The following SEMA5B variants were observed in gnomAD, a reference collection of about 807,000 sequenced individuals.
SEMA5B encodes semaphorin-5B.
SEMA5B carries 66 observed loss-of-function variants against 135.0 expected under a neutral mutation model. That is an observed-to-expected ratio of 0.49 (90% CI 0.40 to 0.60). SEMA5B has a LOEUF of 0.60. Among genes scored for constraint, SEMA5B ranks in the 20% least tolerant of loss-of-function variants. SEMA5B has a pLI of 0.00. For synonymous variants in SEMA5B, 690 were observed against 639.5 expected, an observed-to-expected ratio of 1.08 and a Z score of -1.19; for missense variants, 1,501 against 1,566.3, an observed-to-expected ratio of 0.96 and a Z score of 0.70.
At position 122,961,184 on chromosome 3, in the gene SEMA5B, CTTAGCTGTTGGGCTGGGGTA is replaced by C. The variant is rs1404382081; in HGVS notation, c.60_79del (p.Asp20GlufsTer26). The C allele has an allele frequency of 6.2e-7, 1 of 1,613,836 alleles. No homozygotes were observed. The highest frequency in any genetic ancestry group is 8.5e-7 in the Non-Finnish European group (1 of 1,179,846). On this transcript the variant is annotated frameshift_variant, in exon 2 of 23. Transcript: ENST00000357599. LOFTEE classifies it high-confidence loss of function. ...CCAGCCCCCTACTGTCCATCCACAC[CTTAGCTGTTGGGCTGGGGTA>C]TCAGGCGGCCCAGGGACGAGGTGGT...
intron 4 of SEMA5B, 71 bp from the exon 5 acceptor site, chr3:122,939,541 G>T: frequency 1.6e-6 from 2 of 1,256,566 alleles, no homozygotes; most frequent in Non-Finnish European, 2.3e-6. Context: ...CAGCCTCCTG[G>T]CTTGGGCCTC....
At chr3:122,918,922 C>T (rs191730949) in intron 12 of SEMA5B, among the ~76,000 whole-genome samples, 1 of 149,316 alleles carries the variant, frequency 6.7e-6, no homozygotes, top group East Asian at 1.9e-4. Flanking sequence ...GTGTCTCTGA[C>T]TGTGGAAATG....
intron 2 of SEMA5B, among the ~76,000 whole-genome samples, chr3:122,956,769 C>G (rs950276766): frequency 6.6e-6 from 1 of 152,128 alleles, no homozygotes; most frequent in Admixed American, 6.5e-5. Flanking sequence ...ATCGGGCCGG[C>G]TCTCCTGCAA....
Position 122,912,963 on chromosome 3 carries a change from A to T in SEMA5B, c.2605T>A (p.Cys869Ser). The change falls in exon 18 of 23, where the codon TGC becomes AGC. Residue 869 changes from cysteine (C) to serine (S), a missense_variant. By Grantham distance (112) the Cys-to-Ser change is moderately radical (BLOSUM62 -1). Around this residue, in one of 2 missense-constraint regions of SEMA5B, gnomAD observed 927 missense variants for 881.6 expected, o/e 1.05. Transcript: ENST00000357599. ...WGPWSSCSRDCELGFRVRKRT... is the reference protein window; with the variant it reads ...WGPWSSCSRDSELGFRVRKRT... ...TTGCGGACGCGGAAGCCCAGCTCGCAGTCCCGGGAGCAGGACGACCACGGG... is the reference window on the plus strand; with the variant it reads ...TTGCGGACGCGGAAGCCCAGCTCGCTGTCCCGGGAGCAGGACGACCACGGG... 2 of 1,612,090 alleles carry T rather than the reference A, an allele frequency of 1.2e-6. No homozygotes were observed. The highest frequency in any genetic ancestry group is 1.7e-6 in the Non-Finnish European group (2 of 1,179,258).
At chr3:122,920,693 G>T (rs937248040) in intron 12 of SEMA5B, among the ~76,000 whole-genome samples, 1 of 152,168 alleles carries the variant, frequency 6.6e-6, no homozygotes, top group Non-Finnish European at 1.5e-5. Context: ...AAGATCATAC[G>T]GTTAGTAGAT....
chr3:122,912,441 A>G, intron 18 of SEMA5B, 99 bp from the exon 19 acceptor site: 3 of 1,156,464 alleles, frequency 2.6e-6, no homozygotes, highest in Admixed American at 3.1e-5. Context: ...CCTGAGCCAC[A>G]GTGACCTCAA....
intron 21 of SEMA5B, 68 bp from the exon 22 acceptor site, chr3:122,911,113 C>A: frequency 7.3e-7 from 1 of 1,368,648 alleles, no homozygotes; most frequent in South Asian, 1.3e-5. Flanking sequence ...GCCTGCCTCC[C>A]TGGGAGCAGA....
chr3:122,951,375 A>G (rs988270008), intron 2 of SEMA5B, among the ~76,000 whole-genome samples: 2 of 152,242 alleles, frequency 1.3e-5, no homozygotes, highest in East Asian at 1.9e-4. Context: ...AAGGCTTCTC[A>G]GTAAATACCT....
Position 122,955,106 on chromosome 3 carries a change from ATCT to A in SEMA5B, c.124+6031_124+6033del, listed in dbSNP as rs553739095. On this transcript the variant is annotated intron_variant, in intron 2 of 22. Coordinates refer to ENST00000357599, the MANE Select transcript of SEMA5B (RefSeq NM_001031702.4). ...TGTTGAGCCTACCTGAGTAGTCATC[ATCT>A]TCTTCTTTTTTTTTTTTAGACCGTG... Among the ~76,000 whole-genome samples, 533 of 151,060 alleles carry A rather than the reference ATCT, an allele frequency of 3.5e-3. 4 individuals carry two copies. The highest frequency in any genetic ancestry group is 0.012 in the African/African-American group (502 of 41,154).
intron 2 of SEMA5B, among the ~76,000 whole-genome samples, chr3:122,957,306 C>T (rs1032197677): frequency 6.6e-6 from 1 of 152,144 alleles, no homozygotes; most frequent in African/African-American, 2.4e-5. Flanking sequence ...GGTCTTGCAC[C>T]CAGAATGCAG....
chr3:122,942,050 G>A (rs1000327123), intron 4 of SEMA5B, among the ~76,000 whole-genome samples: 12 of 152,314 alleles, frequency 7.9e-5, no homozygotes, highest in African/African-American at 2.9e-4. Context: ...GGTCCTGCTT[G>A]TTTGAGGGGG....
At chr3:122,911,608 G>GC in intron 20 of SEMA5B, 73 bp from the exon 21 acceptor site, 1 of 1,474,896 alleles carries the variant, frequency 6.8e-7, no homozygotes, top group Non-Finnish European at 9.2e-7. Flanking sequence ...GTAGGCGTAA[G>GC]CCTGGGAGGA....
intron 5 of SEMA5B, among the ~76,000 whole-genome samples, chr3:122,933,028 A>G (rs76378179): frequency 1.5e-3 from 234 of 151,850 alleles, no homozygotes; most frequent in African/African-American, 5.4e-3. Flanking sequence ...GCTCAATATG[A>G]TTTTCTTACT....
rs1423846455 is a variant in SEMA5B, at chr3:122,912,984, A to G, written c.2584T>C (p.Trp862Arg). The G allele has an allele frequency of 5.0e-6, 8 of 1,610,162 alleles. No individual in the cohort carries two copies. Among genetic ancestry groups the G allele is most frequent in the Non-Finnish European group, 4.2e-6 (5 of 1,178,486 alleles). ...VSGGWAAWGP[W>R]SSCSRDCELG... The stretch of plus-strand genomic sequence containing the variant: ...TCGCAGTCCCGGGAGCAGGACGACC[A>G]CGGGCCCCAGGCGGCCCAGCCCCCG... Residue 862 changes from tryptophan (W) to arginine (R), a missense_variant, in exon 18 of 23, where the codon TGG becomes CGG. Coordinates refer to ENST00000357599, the MANE Select transcript of SEMA5B (RefSeq NM_001031702.4).
At chr3:122,936,983 T>C (rs906879436) in intron 5 of SEMA5B, among the ~76,000 whole-genome samples, 1 of 152,244 alleles carries the variant, frequency 6.6e-6, no homozygotes, top group Non-Finnish European at 1.5e-5. Context: ...ACATTTAGAT[T>C]TTTCTTTACG....
intron 4 of SEMA5B, among the ~76,000 whole-genome samples, chr3:122,941,298 G>C (rs1939548175): frequency 6.6e-6 from 1 of 152,228 alleles, no homozygotes; most frequent in Non-Finnish European, 1.5e-5. Context: ...TGAGGGCATA[G>C]CCAGGCTCAA....
intron 1 of SEMA5B, among the ~76,000 whole-genome samples, chr3:122,979,358 C>A (rs956577148): frequency 6.6e-6 from 1 of 152,224 alleles, no homozygotes; most frequent in East Asian, 1.9e-4. Context: ...GCTGGCCAAG[C>A]AGCCCGCCAT....
intron 1 of SEMA5B, among the ~76,000 whole-genome samples, chr3:122,990,781 C>G (rs1238003069): frequency 1.3e-5 from 2 of 152,166 alleles, no homozygotes; most frequent in African/African-American, 2.4e-5. Flanking sequence ...TACTCTTCCT[C>G]AGAAGTATTT....
chr3:122,913,814 G>T lies in SEMA5B; in HGVS notation c.2132+44C>A, dbSNP rs535420789. On this transcript the variant is annotated intron_variant, in intron 15 of 22. Transcript: ENST00000357599. ...GAGAATCCAGGCCACTTTCTGGGGG[G>T]CCCGGTTAGTCTGGGACCTCAGAGC... The T allele has an allele frequency of 1.7e-5, 27 of 1,567,338 alleles. 1 individual carries two copies. The South Asian group carries it at 2.4e-4, about 14-fold the overall frequency.
Sources: allele counts gnomAD v4.1 joint callset (sites outside exome capture counted in the v4.1 genomes callset), GRCh38; gene constraint gnomAD v4.1.1; regional missense constraint gnomAD v4.1.1; transcripts MANE v1.5; gene names NCBI Gene and HGNC (gene_info 2026-07-23, HGNC 2026-07-21).